GPR158: variants seen among roughly 807,000 people sequenced by gnomAD.
The protein encoded by GPR158 is G protein-coupled receptor 158.
Under a neutral mutation model 78.2 loss-of-function variants are expected in GPR158, and 30 were observed. The ratio of observed to expected loss-of-function variants is 0.38; its 90% confidence interval spans 0.29 to 0.52. GPR158 has a LOEUF of 0.52. GPR158 is among the 20% of genes least tolerant of loss of function. The pLI is 0.83. For missense variants in GPR158, 1,463 were observed against 1,523.5 expected, an observed-to-expected ratio of 0.96 and a Z score of 0.66; for synonymous variants, 581 against 591.1, an observed-to-expected ratio of 0.98 and a Z score of 0.25.
chr10:25,598,043 C>T lies in GPR158; in HGVS notation c.2417C>T (p.Thr806Ile). The T allele has an allele frequency of 6.2e-7, 1 of 1,614,046 alleles. No individual in the cohort carries two copies. ...SGNTGKSKEE[T>I]LKNRVFSLKK... Reference sequence around the variant, plus strand: ...AACACAGGGAAATCCAAGGAGGAGACCCTGAAAAACCGAGTCTTCTCACTC... The same window carrying T: ...AACACAGGGAAATCCAAGGAGGAGATCCTGAAAAACCGAGTCTTCTCACTC... The change falls in exon 11 of 11, where the codon ACC becomes ATC. Residue 806 changes from threonine (T) to isoleucine (I), a missense_variant. Thr to Ile is a moderately conservative substitution (Grantham distance 89). Transcript: ENST00000376351.
intron 2 of GPR158, among the ~76,000 whole-genome samples, chr10:25,364,919 T>G (rs1855696072): frequency 6.6e-6 from 1 of 151,654 alleles, no homozygotes; most frequent in East Asian, 2.0e-4. Context: ...GTCCGCACAC[T>G]TTGAATGAGT....
intron 2 of GPR158, among the ~76,000 whole-genome samples, chr10:25,312,136 CAT>C (rs1162906681): frequency 1.3e-5 from 2 of 152,014 alleles, no homozygotes; most frequent in Non-Finnish European, 1.5e-5. Flanking sequence ...CCAAACTTGA[CAT>C]GTGGAAATTT....
At chr10:25,538,531 G>C (rs1348998693) in intron 5 of GPR158, among the ~76,000 whole-genome samples, 1 of 152,096 alleles carries the variant, frequency 6.6e-6, no homozygotes, top group Non-Finnish European at 1.5e-5. Context: ...GCCCAGACTG[G>C]AGTGCGATGG....
chr10:25,534,188 G>C (rs749862128), intron 5 of GPR158, among the ~76,000 whole-genome samples: 1 of 152,066 alleles, frequency 6.6e-6, no homozygotes, highest in African/African-American at 2.4e-5. Flanking sequence ...ATCATCTGTT[G>C]TCATTCTTAC....
intron 2 of GPR158, among the ~76,000 whole-genome samples, chr10:25,378,523 T>G (rs182312019): frequency 9.0e-4 from 137 of 152,132 alleles, no homozygotes; most frequent in African/African-American, 3.1e-3. Context: ...TGTCCCACTA[T>G]GCTCTTTTTT....
chr10:25,238,883 T>A (rs1341997124), intron 2 of GPR158, among the ~76,000 whole-genome samples: 1 of 152,236 alleles, frequency 6.6e-6, no homozygotes, highest in Non-Finnish European at 1.5e-5. Context: ...TCACACTTTA[T>A]ACAGGTATAG....
intron 2 of GPR158, among the ~76,000 whole-genome samples, chr10:25,299,685 C>A (rs1246629366): frequency 6.6e-6 from 1 of 152,150 alleles, no homozygotes; most frequent in Non-Finnish European, 1.5e-5. Context: ...GAATAATGCT[C>A]AATGAACACG....
intron 5 of GPR158, among the ~76,000 whole-genome samples, chr10:25,470,812 C>G (rs1835489348): frequency 6.6e-6 from 1 of 152,060 alleles, no homozygotes; most frequent in Non-Finnish European, 1.5e-5. Flanking sequence ...CCTCAGTAAC[C>G]TGATGAAAAT....
In GPR158 at chr10:25,601,015, C is replaced by T. The variant is rs1425201108; in HGVS notation, c.*1741C>T. The stretch of plus-strand genomic sequence containing the variant: ...ATCAACTGCTTATTTGGCCAGGACA[C>T]TCCCAGCACAAATAACTATTTTTTA... On this transcript the variant is annotated 3_prime_UTR_variant, in exon 11 of 11. Coordinates refer to ENST00000376351, the MANE Select transcript of GPR158 (RefSeq NM_020752.3). 2.0e-5 allele frequency: 3 copies of T among 152,176 alleles called. No individual in the cohort carries two copies. The highest frequency in any genetic ancestry group is 4.8e-5 in the African/African-American group (2 of 41,442). 9.4% of individuals were successfully genotyped at this position (152,176 alleles called of 1,614,324 possible).
intron 5 of GPR158, among the ~76,000 whole-genome samples, chr10:25,491,209 G>A (rs1004437691): frequency 2.6e-5 from 4 of 152,084 alleles, no homozygotes; most frequent in African/African-American, 4.8e-5. Flanking sequence ...TGCTCACCCA[G>A]TATTACTCTG....
intron 5 of GPR158, among the ~76,000 whole-genome samples, chr10:25,547,936 C>A (rs892918788): frequency 6.6e-6 from 1 of 152,094 alleles, no homozygotes; most frequent in South Asian, 2.1e-4. Context: ...TATCACTTAC[C>A]TGTAACATTC....
chr10:25,370,852 C>T (rs1247031366), intron 2 of GPR158, among the ~76,000 whole-genome samples: 1 of 151,770 alleles, frequency 6.6e-6, no homozygotes, highest in Non-Finnish European at 1.5e-5. Context: ...CTGGATGCTC[C>T]TGTATTGGGT....
intron 6 of GPR158, among the ~76,000 whole-genome samples, chr10:25,570,231 A>G (rs753266119): frequency 8.5e-5 from 13 of 152,224 alleles, no homozygotes; most frequent in Non-Finnish European, 1.3e-4. Context: ...GCTAATTACA[A>G]TGGAAACCTT....
At chr10:25,466,546 C>T in intron 4 of GPR158, 105 bp from the exon 5 acceptor site, 1 of 633,254 alleles carries the variant, frequency 1.6e-6, no homozygotes. Context: ...TTTAATTTCC[C>T]CCAAAGAATG....
At chr10:25,350,453 CT>C (rs1048399437) in intron 2 of GPR158, among the ~76,000 whole-genome samples, 6 of 151,954 alleles carry the variant, frequency 3.9e-5, no homozygotes, top group African/African-American at 1.2e-4. Flanking sequence ...TCTTTCACTT[CT>C]TTCTAACCTG....
At chr10:25,562,600 T>C (rs138406547) in intron 6 of GPR158, among the ~76,000 whole-genome samples, 3 of 152,352 alleles carry the variant, frequency 2.0e-5, no homozygotes, top group East Asian at 1.9e-4. Flanking sequence ...CCTTCTGTTA[T>C]TGATTTCTAA....
rs1368701367 is a variant in GPR158, at chr10:25,345,525, GAAGT to G, written c.1009-50383_1009-50380del. On this transcript the variant is annotated intron_variant, in intron 2 of 10. Transcript: ENST00000376351. The stretch of plus-strand genomic sequence containing the variant: ...TTAATATTAAAATATTGCAAGGAAA[GAAGT>G]AAAGGATTTGCCGACTAAACATGGA... Among the ~76,000 whole-genome samples, 3 of 151,940 alleles carry G rather than the reference GAAGT, an allele frequency of 2.0e-5. No individual in the cohort carries two copies. In the East Asian group the frequency reaches 5.8e-4, roughly 29 times the overall value.
intron 2 of GPR158, among the ~76,000 whole-genome samples, chr10:25,306,022 C>T (rs542051339): frequency 6.6e-4 from 101 of 152,176 alleles, no homozygotes; most frequent in Non-Finnish European, 1.2e-3. Flanking sequence ...TCCTCCCTCT[C>T]TACTCCCGTT....
At chr10:25,450,018 C>T (rs1031387522) in intron 4 of GPR158, among the ~76,000 whole-genome samples, 3 of 150,906 alleles carry the variant, frequency 2.0e-5, no homozygotes, top group African/African-American at 7.3e-5. Flanking sequence ...AAAAAAACCT[C>T]CTCCCTGACA....
Sources: allele counts gnomAD v4.1 joint callset (sites outside exome capture counted in the v4.1 genomes callset), GRCh38; gene constraint gnomAD v4.1.1; transcripts MANE v1.5; gene names NCBI Gene and HGNC (gene_info 2026-07-23, HGNC 2026-07-21).